The following WDR44 variants were observed in gnomAD, a reference collection of about 807,000 sequenced individuals.
WDR44 encodes the protein WD repeat domain 44.
In WDR44, 9 loss-of-function variants were observed where a neutral mutation model predicts 65.7. The ratio of observed to expected loss-of-function variants is 0.14; its 90% CI spans 0.08 to 0.24. WDR44 has a LOEUF of 0.24. Among genes scored for constraint, WDR44 ranks in the 10% least tolerant of loss-of-function variants. WDR44 has a pLI of 1.00. For synonymous variants in WDR44, 220 were observed against 235.2 expected, an observed-to-expected ratio of 0.94 and a Z score of 0.59; for missense variants, 425 against 670.9, an observed-to-expected ratio of 0.63 and a Z score of 4.05.
intron 12 of WDR44, among the ~76,000 whole-genome samples, chrX:118,412,371 C>T (rs1354933211): frequency 9.0e-6 from 1 of 111,558 alleles, no homozygotes; most frequent in Non-Finnish European, 1.9e-5. Flanking sequence ...AAGGATTTCA[C>T]TCAGAGGCAT....
intron 6 of WDR44, 44 bp downstream of exon 6, chrX:118,395,388 C>T: frequency 1.9e-6 from 2 of 1,063,818 alleles, no homozygotes; most frequent in Non-Finnish European, 2.6e-6. Context: ...ACATAAAGTA[C>T]AAAAAACATA....
At chrX:118,371,876 A>C (rs2056616503) in intron 1 of WDR44, among the ~76,000 whole-genome samples, 1 of 111,289 alleles carries the variant, frequency 9.0e-6, no homozygotes, top group Non-Finnish European at 1.9e-5. Flanking sequence ...TTTTATGTAG[A>C]CATTTGAACT....
intron 19 of WDR44, among the ~76,000 whole-genome samples, chrX:118,446,356 G>A (rs902738439): frequency 3.6e-5 from 4 of 111,211 alleles, no homozygotes; most frequent in Admixed American, 2.9e-4. Context: ...TGAGGCAGGA[G>A]GTCTTGAGCC....
At position 118,406,419 on chromosome X, in the gene WDR44, A is replaced by C. The variant is rs775735055; in HGVS notation, c.1382-456A>C. Among the ~76,000 whole-genome samples the C allele has an allele frequency of 9.9e-5, 11 of 111,091 alleles. No homozygotes were observed. In the East Asian group the frequency reaches 3.1e-3, roughly 31 times the overall value. On this transcript the variant is annotated intron_variant, in intron 9 of 19. Transcript: ENST00000254029. The stretch of plus-strand genomic sequence containing the variant: ...CTGTTTGTATAAAAATAAATAAATA[A>C]ATTTTTTTAATTAGGTAAATTTTCT...
intron 8 of WDR44, among the ~76,000 whole-genome samples, chrX:118,402,518 C>G (rs1433212317): frequency 1.9e-5 from 2 of 106,264 alleles, no homozygotes; most frequent in African/African-American, 6.9e-5. Context: ...GAGGCCAAGG[C>G]AGGTGGATCA....
At chrX:118,433,425 T>C (rs2057228002) in intron 13 of WDR44, among the ~76,000 whole-genome samples, 1 of 111,290 alleles carries the variant, frequency 9.0e-6, no homozygotes, top group African/African-American at 3.3e-5. Context: ...CCTGTGCAAC[T>C]ATACCTGCTA....
At chrX:118,447,032 A>ATTTTTTTTTTTTTT in intron 19 of WDR44, 1 of 276,358 alleles carries the variant, frequency 3.6e-6, no homozygotes, top group Non-Finnish European at 6.8e-6. Flanking sequence ...TGCCTGGCTA[A>ATTTTTTTTTTTTTT]TTTTTTTTTT....
intron 12 of WDR44, among the ~76,000 whole-genome samples, chrX:118,425,939 G>T (rs1288569378): frequency 9.0e-6 from 1 of 111,352 alleles, no homozygotes; most frequent in East Asian, 2.8e-4. Flanking sequence ...GCTGGGTGTG[G>T]TGGCATGTGC....
chrX:118,377,048 T>C (rs1263691459), intron 1 of WDR44, among the ~76,000 whole-genome samples: 2 of 109,194 alleles, frequency 1.8e-5, no homozygotes, highest in Non-Finnish European at 3.8e-5. Context: ...AAGAACAGAG[T>C]CTTGCTCCAG....
intron 16 of WDR44, 70 bp from the exon 17 acceptor site, chrX:118,442,495 C>A: frequency 1.9e-6 from 2 of 1,029,183 alleles, no homozygotes; most frequent in Non-Finnish European, 2.7e-6. Context: ...TGTGTAACAC[C>A]CTTTTTGGGT....
chrX:118,365,935 G>A (rs1039864035), intron 1 of WDR44, among the ~76,000 whole-genome samples: 6 of 112,137 alleles, frequency 5.4e-5, no homozygotes, highest in Non-Finnish European at 9.4e-5. Context: ...TTGACTATTA[G>A]TGTTTTCTTT....
chrX:118,416,082 G>C (rs2057054797), intron 12 of WDR44, among the ~76,000 whole-genome samples: 1 of 111,521 alleles, frequency 9.0e-6, no homozygotes, highest in South Asian at 3.7e-4. Flanking sequence ...TATTTTCTTG[G>C]TTAATCTTGC....
chrX:118,381,566 GTTCT>G (rs1182640280), intron 2 of WDR44, among the ~76,000 whole-genome samples: 2 of 95,236 alleles, frequency 2.1e-5, no homozygotes, highest in African/African-American at 4.3e-5. Context: ...CTTTTCTTTC[GTTCT>G]TTCTTCTTTT....
intron 12 of WDR44, among the ~76,000 whole-genome samples, 159 bp downstream of exon 12, chrX:118,411,118 T>C (rs1005896798): frequency 4.5e-5 from 5 of 111,072 alleles, no homozygotes; most frequent in Non-Finnish European, 9.4e-5. Context: ...TAGAAGAAAT[T>C]AGCAAATGAA....
rs1173907191 is a variant in WDR44, at chrX:118,427,428, G to A, written c.1738-5353G>A. On this transcript the variant is annotated intron_variant, in intron 12 of 19. Coordinates refer to ENST00000254029, the MANE Select transcript of WDR44 (RefSeq NM_019045.5). ...TGGGACTACAGGCGCCTGCCACCAC[G>A]CCCGGCTAATTTTTTGTATTTTTAG... Among the ~76,000 whole-genome samples the A allele has an allele frequency of 1.1e-4, 12 of 108,354 alleles. No homozygotes were observed. The East Asian group carries it at 2.4e-3, about 21-fold the overall frequency. 94.1% of individuals were successfully genotyped at this position (108,354 alleles called of 115,157 possible). A position where few individuals can be genotyped will look rare whatever the true frequency, so the allele number is the denominator to read the frequency against.
At chrX:118,395,649 T>G (rs1046248076) in intron 6 of WDR44, among the ~76,000 whole-genome samples, 1 of 112,015 alleles carries the variant, frequency 8.9e-6, no homozygotes, top group Non-Finnish European at 1.9e-5. Flanking sequence ...GACTTAAACT[T>G]GCCCTTTCAC....
At chrX:118,435,423 C>T (rs186336629) in intron 13 of WDR44, among the ~76,000 whole-genome samples, 6 of 110,383 alleles carry the variant, frequency 5.4e-5, no homozygotes, top group African/African-American at 2.0e-4. Context: ...GAATTACAGG[C>T]GTGGGCCACC....
At chrX:118,350,575 C>G (rs2056395739) in intron 1 of WDR44, among the ~76,000 whole-genome samples, 1 of 110,691 alleles carries the variant, frequency 9.0e-6, no homozygotes, top group Admixed American at 9.6e-5. Context: ...TTTTTTTAAT[C>G]TTTTCGTTTA....
chrX:118,371,997 C>CTT (rs754818345), intron 1 of WDR44, among the ~76,000 whole-genome samples: 9,448 of 92,982 alleles, frequency 0.1, 504 homozygotes, highest in Admixed American at 0.2. Context: ...TTTTTTATTT[C>CTT]TTTTTTTTTT....
Sources: gnomAD v4.1 joint callset for allele counts (sites outside exome capture counted in the v4.1 genomes callset) on GRCh38, gnomAD v4.1.1 for gene constraint, MANE v1.5 for transcripts, NCBI Gene and HGNC (gene_info 2026-07-23, HGNC 2026-07-21) for gene names.